FMN2: variants seen among roughly 807,000 people sequenced by gnomAD.
The protein encoded by FMN2 is formin-2.
A neutral mutation model predicts 142.3 loss-of-function variants in FMN2; 51 were observed. The observed-to-expected ratio is 0.36, with a 90% CI of 0.29 to 0.45. FMN2 has a LOEUF of 0.45. Ranked by LOEUF, FMN2 falls within the 20% of genes least tolerant of loss-of-function variation. The probability of loss-of-function intolerance (pLI) is 1.00; values close to 1 mark genes in which losing one functional copy is unlikely to be tolerated. For synonymous variants in FMN2, 882 were observed against 869.8 expected, an observed-to-expected ratio of 1.01 and a Z score of -0.25; for missense variants, 1,936 against 2,122.8, an observed-to-expected ratio of 0.91 and a Z score of 1.73.
At chr1:240,261,243 T>C (rs1030671921) in intron 7 of FMN2, among the ~76,000 whole-genome samples, 1 of 152,118 alleles carries the variant, frequency 6.6e-6, no homozygotes, top group Non-Finnish European at 1.5e-5. Context: ...GGCATTTTTA[T>C]CGATAGGCAA....
At chr1:240,334,083 A>G in intron 12 of FMN2, 26 bp from the exon 13 acceptor site, 3 of 1,578,554 alleles carry the variant, frequency 1.9e-6, no homozygotes, top group Non-Finnish European at 2.6e-6. Context: ...ATTTCTTTAA[A>G]TATGATGGGG....
At chr1:240,154,551 G>A (rs369834657) in intron 2 of FMN2, 1 of 152,064 alleles carries the variant, frequency 6.6e-6, no homozygotes, top group African/African-American at 2.4e-5. Flanking sequence ...GACAGGGATG[G>A]GTGATACCTG....
chr1:240,248,039 C>T (rs900896985), intron 6 of FMN2, among the ~76,000 whole-genome samples: 6 of 152,040 alleles, frequency 3.9e-5, no homozygotes, highest in South Asian at 2.1e-4. Flanking sequence ...ATCATTAGAA[C>T]GTATTTCTTC....
intron 8 of FMN2, among the ~76,000 whole-genome samples, chr1:240,298,680 T>A (rs1349732768): frequency 6.6e-6 from 1 of 152,172 alleles, no homozygotes; most frequent in Non-Finnish European, 1.5e-5. Flanking sequence ...GGTTGCCTGC[T>A]CTTTATGAGA....
At chr1:240,445,027 A>G (rs1675756893) in intron 16 of FMN2, among the ~76,000 whole-genome samples, 2 of 152,226 alleles carry the variant, frequency 1.3e-5, no homozygotes, top group Non-Finnish European at 2.9e-5. Flanking sequence ...AATTTTTAGA[A>G]AAATGACCCA....
intron 14 of FMN2, among the ~76,000 whole-genome samples, chr1:240,383,768 T>A (rs1244066969): frequency 2.1e-4 from 32 of 152,070 alleles, no homozygotes; most frequent in Admixed American, 2.1e-3. Context: ...AAGAAATCAT[T>A]GTGTAGGAAA....
At chr1:240,453,462 G>T (rs1209471029) in intron 16 of FMN2, among the ~76,000 whole-genome samples, 1 of 152,174 alleles carries the variant, frequency 6.6e-6, no homozygotes. Context: ...ATTATATTAA[G>T]TGTCATAGTC....
At position 240,216,222 on chromosome 1, in the gene FMN2, A is replaced by C. The variant is rs1323479975; in HGVS notation, c.4065+4987A>C. On this transcript the variant is annotated intron_variant, in intron 6 of 17. Coordinates refer to ENST00000319653, the MANE Select transcript of FMN2 (RefSeq NM_020066.5). ...CTTGCCAAATGTGAAATGATGCTACATTTCATTTATCCCATGGTAAAAAAA... is the reference window on the plus strand; with the variant it reads ...CTTGCCAAATGTGAAATGATGCTACCTTTCATTTATCCCATGGTAAAAAAA... Among the ~76,000 whole-genome samples, 4 of 152,234 alleles carry C rather than the reference A, an allele frequency of 2.6e-5. No homozygotes were observed. The East Asian group carries it at 7.7e-4, about 29-fold the overall frequency.
intron 4 of FMN2, among the ~76,000 whole-genome samples, chr1:240,196,058 C>T (rs998127710): frequency 6.6e-6 from 1 of 152,172 alleles, no homozygotes; most frequent in Non-Finnish European, 1.5e-5. Context: ...TATCCTTTTG[C>T]AGTAGGCAGA....
rs910701792 is a variant in FMN2, at chr1:240,473,358, A to G, written c.5143-770A>G. Among the ~76,000 whole-genome samples the G allele has an allele frequency of 9.9e-5, 15 of 152,282 alleles. No individual in the cohort carries two copies. The highest frequency in any genetic ancestry group is 9.8e-4 in the Admixed American group (15 of 15,290). Reference sequence around the variant, plus strand: ...AGGGAAGGGCTTGGTTAAAATGACAAGGCTTTTCCTTGTGATACTGAGGAT... The same window carrying G: ...AGGGAAGGGCTTGGTTAAAATGACAGGGCTTTTCCTTGTGATACTGAGGAT... On this transcript the variant is annotated intron_variant, in intron 17 of 17. Coordinates refer to ENST00000319653, the MANE Select transcript of FMN2 (RefSeq NM_020066.5). The surrounding 1 kb of genome is among the most constrained non-coding windows in gnomAD (Gnocchi z 4.3).
chr1:240,459,963 G>A (rs1019134945), intron 16 of FMN2, among the ~76,000 whole-genome samples: 3 of 152,096 alleles, frequency 2.0e-5, no homozygotes, highest in Non-Finnish European at 4.4e-5. Context: ...ATTGGAAAAT[G>A]TCTGTGTCTT....
rs1558452625 is a variant in FMN2 at position 240,361,166 on chromosome 1, T to TGTGTATTTTACAC, written c.4858+5258_4858+5259insGTGTATTTTACAC. On this transcript the variant is annotated intron_variant, in intron 14 of 17. Transcript: ENST00000319653. The stretch of plus-strand genomic sequence containing the variant: ...GTATATATATATATATATATATATA[T>TGTGTATTTTACAC]ATATATATATATATATATAAAAGAG... Among the ~76,000 whole-genome samples, 16 of 40,292 alleles carry TGTGTATTTTACAC rather than the reference T, an allele frequency of 4.0e-4. No homozygotes were observed. The East Asian group carries it at 0.015, about 39-fold the overall frequency. 26.4% of individuals were successfully genotyped at this position (40,292 alleles called of 152,430 possible). A position where few individuals can be genotyped will look rare whatever the true frequency, so the allele number is the denominator to read the frequency against.
chr1:240,382,651 A>G (rs1572251551), intron 14 of FMN2, among the ~76,000 whole-genome samples: 2 of 151,632 alleles, frequency 1.3e-5, no homozygotes, highest in East Asian at 3.9e-4. Context: ...ACAGAGTGAG[A>G]CTCCCTCTCA....
chr1:240,142,713 A>G (rs1663240599), intron 2 of FMN2: 1 of 1,611,286 alleles, frequency 6.2e-7, no homozygotes, highest in South Asian at 1.1e-5. Flanking sequence ...AAAACTTTCC[A>G]GAATGGGGGT....
chr1:240,305,051 T>C (rs1025536880), intron 8 of FMN2, among the ~76,000 whole-genome samples: 2 of 152,184 alleles, frequency 1.3e-5, no homozygotes, highest in African/African-American at 4.8e-5. Flanking sequence ...GGGTTTCTAA[T>C]TTTTTCATTC....
At chr1:240,334,339 A>T in intron 13 of FMN2, 110 bp downstream of exon 13, 1 of 1,289,528 alleles carries the variant, frequency 7.8e-7, no homozygotes, top group East Asian at 2.6e-5. Flanking sequence ...TTATAGAACT[A>T]AATTTGTGTG....
chr1:240,386,348 T>A (rs1673405012), intron 14 of FMN2, among the ~76,000 whole-genome samples: 1 of 152,130 alleles, frequency 6.6e-6, no homozygotes, highest in Non-Finnish European at 1.5e-5. Context: ...CAAAAACTAG[T>A]TAACACTTTA....
intron 2 of FMN2, chr1:240,144,260 G>A: frequency 1.3e-6 from 2 of 1,599,282 alleles, no homozygotes; most frequent in East Asian, 2.2e-5. Context: ...AAAAGAGGAG[G>A]CCAGGTTCAT....
intron 8 of FMN2, among the ~76,000 whole-genome samples, chr1:240,297,932 A>C (rs1670047889): frequency 6.6e-6 from 1 of 152,126 alleles, no homozygotes; most frequent in Non-Finnish European, 1.5e-5. Context: ...ACATGGTAGA[A>C]GGGACAAGGG....
Sources: gnomAD v4.1 joint callset for allele counts (sites outside exome capture counted in the v4.1 genomes callset) on GRCh38, gnomAD v4.1.1 for gene constraint, Gnocchi (gnomAD v3.1) non-coding constraint, MANE v1.5 for transcripts, NCBI Gene and HGNC (gene_info 2026-07-23, HGNC 2026-07-21) for gene names.